HERC2: variants seen among roughly 807,000 people sequenced by gnomAD.
HERC2 encodes HECT and RLD domain containing E3 ubiquitin protein ligase 2.
HERC2 carries 102 observed loss-of-function variants against 537.7 expected under a neutral mutation model. That is an observed-to-expected ratio of 0.19 (90% CI 0.16 to 0.22). HERC2 has a LOEUF of 0.22. Ranked by LOEUF, HERC2 falls within the 10% of genes least tolerant of loss-of-function variation. HERC2 has a pLI of 1.00. For missense variants in HERC2, 4,236 were observed against 6,198.2 expected, an observed-to-expected ratio of 0.68 and a Z score of 10.63; for synonymous variants, 2,224 against 2,466.2, an observed-to-expected ratio of 0.90 and a Z score of 2.91.
chr15:28,267,217 A>G (rs1365082857), intron 12 of HERC2, among the ~76,000 whole-genome samples: 1 of 152,222 alleles, frequency 6.6e-6, no homozygotes, highest in Non-Finnish European at 1.5e-5. Flanking sequence ...TCACAGGGAC[A>G]GCCCAATGAC....
At position 28,238,614 on chromosome 15, in the gene HERC2, T is replaced by C; in HGVS notation, c.3736A>G (p.Asn1246Asp). 1 of 1,610,898 alleles carries C rather than the reference T, an allele frequency of 6.2e-7. No individual in the cohort carries two copies. Among genetic ancestry groups the C allele is most frequent in the Non-Finnish European group, 8.5e-7 (1 of 1,179,012 alleles). Reference sequence around the variant, plus strand: ...AGTGTAATCTTACCAAGAATACTATTTCCTGTTAACGACTGTGTCTGGAAG... The same window carrying C: ...AGTGTAATCTTACCAAGAATACTATCTCCTGTTAACGACTGTGTCTGGAAG... ...KDFQTQSLTG[N>D]SILAQFAGED... The change falls in exon 24 of 93, where the codon AAT becomes GAT. Residue 1246 changes from asparagine (N) to aspartate (D), a missense_variant. Transcript: ENST00000261609.
intron 4 of HERC2, among the ~76,000 whole-genome samples, chr15:28,282,880 C>T (rs915657599): frequency 1.3e-5 from 2 of 151,128 alleles, no homozygotes; most frequent in East Asian, 1.9e-4. Context: ...TGCAGTGAGC[C>T]GAGAACGTCC....
chr15:28,284,627 A>G (rs2076104808), intron 4 of HERC2, among the ~76,000 whole-genome samples: 1 of 152,140 alleles, frequency 6.6e-6, no homozygotes, highest in Admixed American at 6.5e-5. Flanking sequence ...CAGAGCAAAG[A>G]TAATTACCAG....
intron 4 of HERC2, among the ~76,000 whole-genome samples, chr15:28,292,527 C>A (rs1191374580): frequency 6.6e-6 from 1 of 152,072 alleles, no homozygotes; most frequent in African/African-American, 2.4e-5. Flanking sequence ...CAAACAGTTA[C>A]ACGTAGTGCC....
At chr15:28,188,979 T>C in intron 55 of HERC2, among the ~76,000 whole-genome samples, 1 of 151,956 alleles carries the variant, frequency 6.6e-6, no homozygotes, top group South Asian at 2.1e-4. Flanking sequence ...TCCCAGCTAC[T>C]CGGAAGGCTG....
At chr15:28,314,627 C>G (rs372052305) in intron 2 of HERC2, among the ~76,000 whole-genome samples, 2 of 152,000 alleles carry the variant, frequency 1.3e-5, no homozygotes, top group Admixed American at 6.6e-5. Flanking sequence ...GAGGCCAAGG[C>G]GGGCGGATCA....
At position 28,276,730 on chromosome 15, in the gene HERC2, C is replaced by T. The variant is rs575502585; in HGVS notation, c.543-1725G>A. On this transcript the variant is annotated intron_variant, in intron 5 of 92. Transcript: ENST00000261609. The stretch of plus-strand genomic sequence containing the variant: ...CTGGCCTGGGCGACAAAGCGAGACT[C>T]TGTCTCAAAAAAAAAACAAAAACAA... 1.1e-3 allele frequency among the ~76,000 whole-genome samples: 168 copies of T among 151,014 alleles called. 2 individuals carry two copies. Among genetic ancestry groups the T allele is most frequent in the Non-Finnish European group, 2.7e-4 (18 of 67,882 alleles).
At chr15:28,141,682 G>A (rs1566936499) in intron 77 of HERC2, 49 bp downstream of exon 77, 2 of 1,608,426 alleles carry the variant, frequency 1.2e-6, no homozygotes, top group Non-Finnish European at 1.7e-6. Flanking sequence ...AATGCACACA[G>A]CCTCTCACAC....
chr15:28,125,133 G>T lies in HERC2; in HGVS notation c.12863C>A (p.Ala4288Asp). 6.2e-7 allele frequency: 1 copy of T among 1,614,104 alleles called. No homozygotes were observed. The highest frequency in any genetic ancestry group is 8.5e-7 in the Non-Finnish European group (1 of 1,179,946). Residue 4288 changes from alanine to aspartate, a missense_variant, in exon 84 of 93, where the codon GCC becomes GAC. By Grantham distance (126) the Ala-to-Asp change is moderately radical. Around this residue, in one of 27 missense-constraint regions of HERC2, gnomAD observed 189 missense variants for 255.7 expected, o/e 0.74. Coordinates refer to ENST00000261609, the MANE Select transcript of HERC2 (RefSeq NM_004667.6). Reference protein sequence around the residue: ...EGQLGDGTTNAIQRPRLVAAL... With the variant: ...EGQLGDGTTNDIQRPRLVAAL... ...AGCTACCAACCGAGGCCTCTGGATG[G>T]CATTGGTGGTTCCGTCTCCCAGTTG...
chr15:28,318,417 A>G (rs1567162122), intron 2 of HERC2, among the ~76,000 whole-genome samples: 1 of 152,200 alleles, frequency 6.6e-6, no homozygotes, highest in East Asian at 1.9e-4. Context: ...ACTTGAGGTC[A>G]GGAGTTCAAA....
intron 27 of HERC2, 53 bp from the exon 28 acceptor site, chr15:28,233,849 A>C (rs1307779535): frequency 1.3e-6 from 2 of 1,596,118 alleles, no homozygotes; most frequent in Non-Finnish European, 1.7e-6. Flanking sequence ...GAGTCTTCAC[A>C]AATCTTAAAC....
chr15:28,244,935 G>A (rs1290658943), intron 23 of HERC2, among the ~76,000 whole-genome samples: 1 of 152,114 alleles, frequency 6.6e-6, no homozygotes, highest in Non-Finnish European at 1.5e-5. Flanking sequence ...AGTCCAGGAA[G>A]CTAGAACCAT....
rs575433742 is a variant in HERC2 at position 28,273,293 on chromosome 15, A to G, written c.801-289T>C. 89 of 459,816 alleles carry G rather than the reference A, an allele frequency of 1.9e-4. 1 individual carries two copies. In the Middle Eastern group the frequency reaches 4.5e-3, roughly 23 times the overall value. 28.5% of individuals were successfully genotyped at this position (459,816 alleles called of 1,614,324 possible). On this transcript the variant is annotated intron_variant, in intron 7 of 92. Transcript: ENST00000261609. ...AATAATTTATCTCATTATCAAAAACATAAGTAGAAGAATATCTAGCTATCT... is the reference window on the plus strand; with the variant it reads ...AATAATTTATCTCATTATCAAAAACGTAAGTAGAAGAATATCTAGCTATCT...
Position 28,165,287 on chromosome 15 carries a change from G to T in HERC2, c.10555-2002C>A, listed in dbSNP as rs1894012950. ...GGAAGAAAGGTGCCCACCACGGAGT[G>T]GGGGACAGCCAAGATCGGAGGTTGG... On this transcript the variant is annotated intron_variant, in intron 68 of 92. Coordinates refer to ENST00000261609, the MANE Select transcript of HERC2 (RefSeq NM_004667.6). Among the ~76,000 whole-genome samples, 3 of 152,214 alleles carry T rather than the reference G, an allele frequency of 2.0e-5. No homozygotes were observed. In the South Asian group the frequency reaches 6.2e-4, roughly 32 times the overall value.
chr15:28,261,106 A>G, intron 15 of HERC2, 136 bp from the exon 16 acceptor site: 1 of 643,590 alleles, frequency 1.6e-6, no homozygotes, highest in Non-Finnish European at 2.6e-6. Flanking sequence ...TTTAATATTA[A>G]GCACAATTCA....
In HERC2 at chr15:28,299,450, A is replaced by T. The variant is rs764084848; in HGVS notation, c.139T>A (p.Tyr47Asn). The T allele has an allele frequency of 1.3e-6, 2 of 1,599,966 alleles. No individual in the cohort carries two copies. The highest frequency in any genetic ancestry group is 4.5e-5 in the East Asian group (2 of 44,790). Residue 47 changes from tyrosine to asparagine, a missense_variant, in exon 3 of 93, where the codon TAC becomes AAC. Transcript: ENST00000261609. ...TTCTGGGTTGATTCTGTTCCAGTGTATACAATTTCTCCATCTTTAACCATT... is the reference window on the plus strand; with the variant it reads ...TTCTGGGTTGATTCTGTTCCAGTGTTTACAATTTCTCCATCTTTAACCATT... Reference protein sequence around the residue: ...NEMVKDGEIVYTGTESTQNGE... With the variant: ...NEMVKDGEIVNTGTESTQNGE...
At chr15:28,124,687 G>A (rs1889282062) in intron 84 of HERC2, among the ~76,000 whole-genome samples, 1 of 152,192 alleles carries the variant, frequency 6.6e-6, no homozygotes, top group Admixed American at 6.5e-5. Context: ...AGCCTCCCAG[G>A]TAGCTGGGAC....
chr15:28,233,239 G>C lies in HERC2; in HGVS notation c.4582C>G (p.Leu1528Val), dbSNP rs780527731. The C allele has an allele frequency of 1.3e-6, 2 of 1,599,132 alleles. No individual in the cohort carries two copies. The highest frequency in any genetic ancestry group is 3.3e-5 in the Admixed American group (2 of 59,948). Residue 1528 changes from leucine to valine, a missense_variant, in exon 30 of 93, where the codon CTC (leucine) becomes GTC (valine). Leu to Val is a conservative substitution (Grantham distance 32, BLOSUM62 1). Coordinates refer to ENST00000261609, the MANE Select transcript of HERC2 (RefSeq NM_004667.6). ...AATTTAAACTTAGACATTATAGAGAGGTCATTACAAACAGCAGGTCTCAAT... is the reference window on the plus strand; with the variant it reads ...AATTTAAACTTAGACATTATAGAGACGTCATTACAAACAGCAGGTCTCAAT... ...NELRPAVCNDLSIMSKFKLLS... is the reference protein window; with the variant it reads ...NELRPAVCNDVSIMSKFKLLS...
chr15:28,294,194 T>G (rs1458284645), intron 3 of HERC2, among the ~76,000 whole-genome samples: 2 of 152,078 alleles, frequency 1.3e-5, no homozygotes, highest in Non-Finnish European at 2.9e-5. Context: ...TGAAACTAAC[T>G]ACCTAGAATT....
Sources: gnomAD v4.1 joint callset for allele counts (sites outside exome capture counted in the v4.1 genomes callset) on GRCh38, gnomAD v4.1.1 for gene constraint, gnomAD v4.1.1 regional missense constraint, MANE v1.5 for transcripts, NCBI Gene and HGNC (gene_info 2026-07-23, HGNC 2026-07-21) for gene names.